Variants in LRRC4C observed in about 807,000 individuals in gnomAD.
LRRC4C encodes leucine-rich repeat-containing protein 4C.
In LRRC4C, 5 loss-of-function variants were observed where a neutral mutation model predicts 33.6. The observed-to-expected ratio is 0.15, with a 90% CI of 0.08 to 0.31. The LOEUF is 0.31. Among genes scored for constraint, LRRC4C ranks in the 10% least tolerant of loss-of-function variants. LRRC4C has a pLI of 1.00. For synonymous variants in LRRC4C, 329 were observed against 302.0 expected (o/e 1.09, Z -0.93); for missense variants, 560 against 796.7 (o/e 0.70, Z 3.58).
chr11:40,846,544 T>C (rs1418225481), intron 2 of LRRC4C, among the ~76,000 whole-genome samples: 1 of 152,208 alleles, frequency 6.6e-6, no homozygotes, highest in African/African-American at 2.4e-5. Flanking sequence ...TATATATCTG[T>C]TGTGGTACCA....
chr11:40,810,600 T>C (rs184374340), intron 2 of LRRC4C, among the ~76,000 whole-genome samples: 1 of 152,314 alleles, frequency 6.6e-6, no homozygotes, highest in East Asian at 1.9e-4. Flanking sequence ...ACTCTTGGTA[T>C]CTTACCTCCC....
At chr11:41,113,382 G>A (rs948943316) in intron 1 of LRRC4C, among the ~76,000 whole-genome samples, 18 of 151,946 alleles carry the variant, frequency 1.2e-4, no homozygotes, top group African/African-American at 4.1e-4. Flanking sequence ...GCCCAGCACC[G>A]GGCTGTGAGT....
chr11:40,878,148 T>C (rs1307188645), intron 2 of LRRC4C, among the ~76,000 whole-genome samples: 4 of 151,896 alleles, frequency 2.6e-5, no homozygotes, highest in Non-Finnish European at 5.9e-5. Context: ...ATGGAAGTGG[T>C]AGATAACATA....
intron 3 of LRRC4C, among the ~76,000 whole-genome samples, chr11:40,559,058 T>A (rs1591103315): frequency 6.6e-6 from 1 of 152,234 alleles, no homozygotes; most frequent in Non-Finnish European, 1.5e-5. Context: ...TATGGCTACA[T>A]AGTATTCCAT....
chr11:40,756,148 T>G (rs894527434), intron 2 of LRRC4C, among the ~76,000 whole-genome samples: 7 of 152,038 alleles, frequency 4.6e-5, no homozygotes, highest in African/African-American at 4.8e-5. Flanking sequence ...CTTATGGCAC[T>G]TAGAGGAAAC....
chr11:41,156,743 A>G (rs1402402046), intron 1 of LRRC4C, among the ~76,000 whole-genome samples: 2 of 152,088 alleles, frequency 1.3e-5, no homozygotes, highest in Non-Finnish European at 2.9e-5. Context: ...AGTATTAAAT[A>G]TGATAACTGA....
rs758157969 is a variant in LRRC4C, at chr11:40,115,213, A to C, written c.1080T>G (p.Pro360=). The C allele has an allele frequency of 1.2e-6, 2 of 1,614,184 alleles. No individual in the cohort carries two copies. Among genetic ancestry groups the C allele is most frequent in the Non-Finnish European group, 8.5e-7 (1 of 1,180,048 alleles). Residue 360 remains proline, a synonymous_variant, in exon 7 of 7, where the codon CCT becomes CCG. Transcript: ENST00000528697. This position sits in a 1 kb window ranked among gnomAD's most constrained non-coding sequence, Gnocchi z 6.7. ...TCYAPVIVEP[P]ADLNVTEGMA... Reference sequence around the variant, plus strand: ...TGCCTTCAGTGACATTGAGGTCTGCAGGGGGCTCCACAATCACCGGAGCAT... The same window carrying C: ...TGCCTTCAGTGACATTGAGGTCTGCCGGGGGCTCCACAATCACCGGAGCAT...
chr11:41,269,498 T>C (rs565076244), intron 1 of LRRC4C, among the ~76,000 whole-genome samples: 26 of 152,036 alleles, frequency 1.7e-4, no homozygotes, highest in Non-Finnish European at 2.5e-4. Context: ...AAAGAGCCAA[T>C]CTAATTAGTG....
intron 1 of LRRC4C, among the ~76,000 whole-genome samples, chr11:41,138,354 G>C (rs2135889102): frequency 6.6e-6 from 1 of 152,324 alleles, no homozygotes; most frequent in East Asian, 1.9e-4. Flanking sequence ...ATGGTCAGGA[G>C]AGTCACTGCA....
chr11:40,997,641 T>A (rs1854079065), intron 1 of LRRC4C, among the ~76,000 whole-genome samples: 1 of 152,140 alleles, frequency 6.6e-6, no homozygotes, highest in African/African-American at 2.4e-5. Flanking sequence ...TTTGTTTGTT[T>A]GTTTTTGTCT....
rs145537334 is a variant in LRRC4C, at chr11:40,831,084, T to C, written c.-407+102551A>G. On this transcript the variant is annotated intron_variant, in intron 2 of 6. Coordinates refer to ENST00000528697, the MANE Select transcript of LRRC4C (RefSeq NM_001258419.2). The stretch of plus-strand genomic sequence containing the variant: ...CAGATATCACACAGTAGGCAATGGG[T>C]AGCAGTGATAGAGAAGCAAAAGAGG... Among the ~76,000 whole-genome samples, 766 of 152,222 alleles carry C rather than the reference T, an allele frequency of 5.0e-3. 2 individuals carry two copies. The highest frequency in any genetic ancestry group is 8.7e-3 in the Non-Finnish European group (591 of 68,010).
chr11:41,150,049 C>A (rs1285384730), intron 1 of LRRC4C, among the ~76,000 whole-genome samples: 9 of 152,122 alleles, frequency 5.9e-5, no homozygotes, highest in Non-Finnish European at 1.2e-4. Context: ...TTAAATGTAT[C>A]ATTCCCTTAG....
At chr11:40,161,236 C>A (rs1439306816) in intron 5 of LRRC4C, among the ~76,000 whole-genome samples, 1 of 152,184 alleles carries the variant, frequency 6.6e-6, no homozygotes, top group Non-Finnish European at 1.5e-5. Flanking sequence ...GAACCCCTCT[C>A]AAATATTAAC....
chr11:40,756,855 C>T (rs563530903), intron 2 of LRRC4C, among the ~76,000 whole-genome samples: 2 of 152,014 alleles, frequency 1.3e-5, no homozygotes, highest in Non-Finnish European at 2.9e-5. Context: ...TAGAGGACAG[C>T]CTAGATTTTA....
At chr11:40,195,228 A>G (rs1167756401) in intron 5 of LRRC4C, among the ~76,000 whole-genome samples, 2 of 152,224 alleles carry the variant, frequency 1.3e-5, no homozygotes, top group Non-Finnish European at 2.9e-5. Flanking sequence ...TACATCATAC[A>G]GTCTAAGGTA....
At chr11:41,153,446 G>A (rs1239725600) in intron 1 of LRRC4C, among the ~76,000 whole-genome samples, 1 of 152,118 alleles carries the variant, frequency 6.6e-6, no homozygotes, top group Non-Finnish European at 1.5e-5. Context: ...AGAACAAGGA[G>A]AGTCCCTCAA....
intron 1 of LRRC4C, among the ~76,000 whole-genome samples, chr11:40,986,873 A>G (rs1281470733): frequency 6.6e-6 from 1 of 152,220 alleles, no homozygotes; most frequent in Non-Finnish European, 1.5e-5. Flanking sequence ...ATAGTACAAA[A>G]ACAATCCGAA....
intron 3 of LRRC4C, among the ~76,000 whole-genome samples, chr11:40,595,003 A>C (rs575867176): frequency 6.6e-6 from 1 of 152,204 alleles, no homozygotes; most frequent in African/African-American, 2.4e-5. Context: ...TCTTTTACAC[A>C]GTAAGTTTTA....
intron 1 of LRRC4C, among the ~76,000 whole-genome samples, chr11:41,341,110 T>A (rs1591306332): frequency 6.6e-6 from 1 of 151,380 alleles, no homozygotes; most frequent in African/African-American, 2.4e-5. Flanking sequence ...AGTGATGATG[T>A]TGTCCTGTAA....
Sources: gnomAD v4.1 joint callset for allele counts (sites outside exome capture counted in the v4.1 genomes callset) on GRCh38, gnomAD v4.1.1 for gene constraint, Gnocchi (gnomAD v3.1) non-coding constraint, MANE v1.5 for transcripts, NCBI Gene and HGNC (gene_info 2026-07-23, HGNC 2026-07-21) for gene names.